The following MYO5B variants were observed in gnomAD, a reference collection of about 807,000 sequenced individuals.
MYO5B encodes unconventional myosin-Vb.
A neutral mutation model predicts 229.3 loss-of-function variants in MYO5B; 143 were observed. The ratio of observed to expected loss-of-function variants is 0.62; its 90% CI spans 0.54 to 0.72. MYO5B has a LOEUF of 0.72. MYO5B is among the 30% of genes least tolerant of loss of function. The probability of loss-of-function intolerance (pLI) is 0.00; values close to 1 mark genes in which losing one functional copy is unlikely to be tolerated. For missense variants in MYO5B, 2,321 were observed against 2,331.0 expected, an observed-to-expected ratio of 1.00 and a Z score of 0.09; for synonymous variants, 918 against 885.2, an observed-to-expected ratio of 1.04 and a Z score of -0.66.
chr18:50,115,898 CTTCT>C (rs2031954257), intron 1 of MYO5B, among the ~76,000 whole-genome samples: 4 of 152,018 alleles, frequency 2.6e-5, no homozygotes, highest in African/African-American at 9.7e-5. Flanking sequence ...GGCTGCTTGC[CTTCT>C]ACTTTTAAAC....
intron 10 of MYO5B, among the ~76,000 whole-genome samples, chr18:49,974,049 T>C (rs1304850822): frequency 6.6e-6 from 1 of 152,210 alleles, no homozygotes; most frequent in African/African-American, 2.4e-5. Flanking sequence ...TTCCCTCTCT[T>C]GGCCTCACTT....
At chr18:49,964,506 C>T (rs1448724962) in intron 10 of MYO5B, among the ~76,000 whole-genome samples, 1 of 152,212 alleles carries the variant, frequency 6.6e-6, no homozygotes, top group Non-Finnish European at 1.5e-5. Context: ...TCGGGTCAGC[C>T]TCCAGTGTTC....
intron 22 of MYO5B, among the ~76,000 whole-genome samples, chr18:49,882,677 T>C (rs916770513): frequency 6.7e-6 from 1 of 149,044 alleles, no homozygotes; most frequent in African/African-American, 2.5e-5. Context: ...TTTCTCATCA[T>C]TGAATGAGAT....
At chr18:49,970,230 T>C (rs1296101030) in intron 10 of MYO5B, among the ~76,000 whole-genome samples, 1 of 152,210 alleles carries the variant, frequency 6.6e-6, no homozygotes, top group Non-Finnish European at 1.5e-5. Flanking sequence ...AAAAATACCC[T>C]GAAGGCGACT....
chr18:49,838,183 A>G (rs1344913379), intron 36 of MYO5B, among the ~76,000 whole-genome samples: 2 of 152,228 alleles, frequency 1.3e-5, no homozygotes, highest in South Asian at 4.1e-4. Context: ...CTAAGCAGCC[A>G]TTACCTATGC....
chr18:50,109,012 G>T (rs1416755673), intron 1 of MYO5B, among the ~76,000 whole-genome samples: 8 of 152,192 alleles, frequency 5.3e-5, no homozygotes, highest in Non-Finnish European at 1.5e-5. Context: ...CTGGGGTGAT[G>T]ATACCAAGAC....
chr18:49,834,746 C>G (rs2144027466), intron 39 of MYO5B, among the ~76,000 whole-genome samples: 1 of 152,250 alleles, frequency 6.6e-6, no homozygotes, highest in South Asian at 2.1e-4. Context: ...TCACGCCATT[C>G]TCCTGCCTCA....
chr18:50,098,316 G>A (rs761956964), intron 1 of MYO5B, among the ~76,000 whole-genome samples: 2 of 152,076 alleles, frequency 1.3e-5, no homozygotes, highest in Non-Finnish European at 2.9e-5. Flanking sequence ...AAGGGGCAAG[G>A]TGTAAACTAG....
At chr18:50,150,947 C>G (rs1304930259) in intron 1 of MYO5B, among the ~76,000 whole-genome samples, 1 of 152,240 alleles carries the variant, frequency 6.6e-6, no homozygotes, top group Non-Finnish European at 1.5e-5. Flanking sequence ...TCTCTTCACA[C>G]AGGCAAGGCC....
intron 1 of MYO5B, among the ~76,000 whole-genome samples, chr18:50,167,146 A>C (rs1599072694): frequency 6.6e-6 from 1 of 152,252 alleles, no homozygotes; most frequent in East Asian, 1.9e-4. Context: ...CTGTCTGAAC[A>C]AAGACAAAAG....
At chr18:50,103,314 G>A (rs2031690204) in intron 1 of MYO5B, among the ~76,000 whole-genome samples, 1 of 151,976 alleles carries the variant, frequency 6.6e-6, no homozygotes, top group Non-Finnish European at 1.5e-5. Flanking sequence ...CCTAAACTAT[G>A]GAGGCTGGGA....
rs71169467 is a variant in MYO5B at position 49,957,142 on chromosome 18, C to CAAAAAAAAAAAAAAA, written c.1546-2722_1546-2708dup. On this transcript the variant is annotated intron_variant, in intron 12 of 39. Transcript: ENST00000285039. Reference sequence around the variant, plus strand: ...ACTCCTTGCTAGTAAAATAAAGTAGCAAAAAAAAAAAAAAAAAAAAAAAGC... The same window carrying CAAAAAAAAAAAAAAA: ...ACTCCTTGCTAGTAAAATAAAGTAGCAAAAAAAAAAAAAAAAAAAAAAAAAAAAAAAAAAAAAAGC... Among the ~76,000 whole-genome samples, 9 of 58,728 alleles carry CAAAAAAAAAAAAAAA rather than the reference C, an allele frequency of 1.5e-4. 1 individual carries two copies. The highest frequency in any genetic ancestry group is 3.2e-4 in the African/African-American group (4 of 12,592). 38.5% of individuals were successfully genotyped at this position (58,728 alleles called of 152,430 possible).
Position 49,906,410 on chromosome 18 carries a change from C to A in MYO5B, c.2414+9G>T, listed in dbSNP as rs773897581. On this transcript the variant is annotated intron_variant, in intron 19 of 39. Transcript: ENST00000285039. Reference sequence around the variant, plus strand: ...ATCTGCTGCCCTGAGCTGCCACAGTCTGGCTCACCTGCGGGCCAGGTGTCC... The same window carrying A: ...ATCTGCTGCCCTGAGCTGCCACAGTATGGCTCACCTGCGGGCCAGGTGTCC... The A allele has an allele frequency of 4.3e-5, 70 of 1,613,898 alleles. No individual in the cohort carries two copies. In the East Asian group the frequency reaches 1.4e-3, roughly 31 times the overall value.
chr18:50,055,225 G>GGGCCCCCCCCCCCC, intron 2 of MYO5B, 43 bp downstream of exon 2: 9 of 700,364 alleles, frequency 1.3e-5, no homozygotes, highest in East Asian at 5.3e-5. Context: ...TGAGCTCCCT[G>GGGCCCCCCCCCCCC]CCCCACCTCA....
intron 5 of MYO5B, among the ~76,000 whole-genome samples, chr18:49,996,428 GA>G (rs2025987837): frequency 6.6e-6 from 1 of 152,080 alleles, no homozygotes; most frequent in Non-Finnish European, 1.5e-5. Context: ...CACCAGTAGG[GA>G]AAACATAAAT....
chr18:49,949,803 T>C (rs2025413491), intron 14 of MYO5B, among the ~76,000 whole-genome samples: 1 of 152,246 alleles, frequency 6.6e-6, no homozygotes, highest in Admixed American at 6.5e-5. Flanking sequence ...ACATAGAAAC[T>C]TGTATCTTTC....
chr18:49,842,907 C>G (rs1304883173), intron 34 of MYO5B, among the ~76,000 whole-genome samples: 3 of 152,172 alleles, frequency 2.0e-5, no homozygotes, highest in African/African-American at 4.8e-5. Flanking sequence ...GCCCACACAC[C>G]CTTGGCTGCA....
At chr18:49,911,572 A>G (rs2024958259) in intron 18 of MYO5B, among the ~76,000 whole-genome samples, 1 of 152,200 alleles carries the variant, frequency 6.6e-6, no homozygotes, top group Non-Finnish European at 1.5e-5. Context: ...GGAAGTCCAC[A>G]ATGTCAATTA....
chr18:50,002,030 C>T lies in MYO5B; in HGVS notation c.456-619G>A, dbSNP rs533614800. Among the ~76,000 whole-genome samples, 571 of 67,840 alleles carry T rather than the reference C, an allele frequency of 8.4e-3. 4 individuals carry two copies. The highest frequency in any genetic ancestry group is 0.022 in the African/African-American group (399 of 18,262). The allele number at this position is 67,840 out of a possible 152,430, so 44.5% of individuals were successfully genotyped here. On this transcript the variant is annotated intron_variant, in intron 4 of 39. Coordinates refer to ENST00000285039, the MANE Select transcript of MYO5B (RefSeq NM_001080467.3). Reference sequence around the variant, plus strand: ...CAGCGTGGGCAACAGAGCAAAACTCCGTCTCAAAAAAAAAAAAAAAAAATT... The same window carrying T: ...CAGCGTGGGCAACAGAGCAAAACTCTGTCTCAAAAAAAAAAAAAAAAAATT...
Sources: gnomAD v4.1 joint callset for allele counts (sites outside exome capture counted in the v4.1 genomes callset) on GRCh38, gnomAD v4.1.1 for gene constraint, MANE v1.5 for transcripts, NCBI Gene and HGNC (gene_info 2026-07-23, HGNC 2026-07-21) for gene names.